Variants in FZD8 observed in about 807,000 individuals in gnomAD.
The protein encoded by FZD8 is frizzled class receptor 8, also known as frizzled-8.
FZD8 carries 18 observed loss-of-function variants against 46.0 expected under a neutral mutation model. The ratio of observed to expected loss-of-function variants is 0.39; its 90% CI spans 0.27 to 0.58. The LOEUF (loss-of-function observed/expected upper bound fraction) is 0.58. Among genes scored for constraint, FZD8 ranks in the 20% least tolerant of loss-of-function variants. FZD8 has a pLI of 0.55. For synonymous variants in FZD8, 586 were observed against 467.9 expected (o/e 1.25, Z -3.26); for missense variants, 785 against 983.4 (o/e 0.80, Z 2.70).
chr10:35,641,117 G>C lies in FZD8; in HGVS notation c.313C>G (p.Pro105Ala), dbSNP rs747648027. The C allele has an allele frequency of 3.7e-6, 6 of 1,612,300 alleles. No individual in the cohort carries two copies. The highest frequency in any genetic ancestry group is 5.1e-6 in the Non-Finnish European group (6 of 1,179,700). Residue 105 changes from proline to alanine, a missense_variant, in exon 1 of 1, where the codon CCG becomes GCG. Physicochemically the swap from Pro to Ala is conservative, Grantham distance 27. Transcript: ENST00000374694. The surrounding 1 kb of genome is among the most constrained non-coding windows in gnomAD (Gnocchi z 6.3). ...ICLEDYKKPL[P>A]PCRSVCERAK... ...CGCTCGCACACCGAGCGGCAGGGCG[G>C]CAGCGGCTTCTTGTAGTCCTCTAGG...
In FZD8 at chr10:35,640,095, C is replaced by G; in HGVS notation, c.1335G>C (p.Ala445=). The G allele has an allele frequency of 6.2e-7, 1 of 1,611,840 alleles. No homozygotes were observed. Among genetic ancestry groups the G allele is most frequent in the South Asian group, 1.1e-5 (1 of 90,908 alleles). The change falls in exon 1 of 1, where the codon GCG becomes GCC. Residue 445 remains alanine (A), a synonymous_variant. Transcript: ENST00000374694. ...TGGACTTGACGCTGGGCACAAGCCA[C>G]GCGGCCAGGTGGAAGTACTGCGAGT... ...AGYSQYFHLA[A]WLVPSVKSIA...
In FZD8 at chr10:35,640,807, G is replaced by C; in HGVS notation, c.623C>G (p.Pro208Arg). The C allele has an allele frequency of 9.9e-7, 1 of 1,007,188 alleles. No individual in the cohort carries two copies. Among genetic ancestry groups the C allele is most frequent in the Non-Finnish European group, 1.2e-6 (1 of 845,686 alleles). The allele number at this position is 1,007,188 out of a possible 1,614,324, so 62.4% of individuals were successfully genotyped here. A position where few individuals can be genotyped will look rare whatever the true frequency, so the allele number is the denominator to read the frequency against. Residue 208 changes from proline to arginine, a missense_variant, in exon 1 of 1, where the codon CCA (proline) becomes CGA (arginine). Transcript: ENST00000374694. ...CCCGCCACCGCCGCCGCCGCGAGCT[G>C]GGGGCGCCGCCGCGTCCCCGCCGCC... ...GGGGGDAAAP[P>R]ARGGGGGGKA...
chr10:35,641,800 C>T lies in FZD8; in HGVS notation c.-371G>A, dbSNP rs1588706995. On this transcript the variant is annotated 5_prime_UTR_variant, in exon 1 of 1. Coordinates refer to ENST00000374694, the MANE Select transcript of FZD8 (RefSeq NM_031866.3). The surrounding 1 kb of genome is among the most constrained non-coding windows in gnomAD (Gnocchi z 6.3). ...GCTCGCTCGCCTCCTCTCCGCGCGC[C>T]CGACCACTTCTCCCCGCCGCGCCGG... 1 of 171,138 alleles carries T rather than the reference C, an allele frequency of 5.8e-6. No individual in the cohort carries two copies. Among genetic ancestry groups the T allele is most frequent in the East Asian group, 1.6e-4 (1 of 6,276 alleles). 10.6% of individuals were successfully genotyped at this position (171,138 alleles called of 1,614,324 possible).
chr10:35,640,995 G>A lies in FZD8; in HGVS notation c.435C>T (p.Asp145=), dbSNP rs1211684026. 5.0e-6 allele frequency: 8 copies of A among 1,604,052 alleles called. No individual in the cohort carries two copies. Among genetic ancestry groups the A allele is most frequent in the East Asian group, 2.2e-5 (1 of 44,462 alleles). ...CDRLPEQGNP[D]TLCMDYNRTD... is the part of the protein sequence containing the mutation. ...TGCGGTTGTAGTCCATGCACAGCGT[G>A]TCAGGGTTGCCTTGCTCGGGCAGCC... Residue 145 remains aspartate (D), a synonymous_variant, in exon 1 of 1, where the codon GAC becomes GAT. Coordinates refer to ENST00000374694, the MANE Select transcript of FZD8 (RefSeq NM_031866.3).
At position 35,641,520 on chromosome 10, in the gene FZD8, C is replaced by G. The variant is rs1835862942; in HGVS notation, c.-91G>C. On this transcript the variant is annotated 5_prime_UTR_variant, in exon 1 of 1. Transcript: ENST00000374694. The surrounding 1 kb of genome is among the most constrained non-coding windows in gnomAD (Gnocchi z 6.3). Reference sequence around the variant, plus strand: ...CCCACGAGAGAGCCGCAGACGGGTACAGCGGGTGATCTGGGGTCTCCCTTA... The same window carrying G: ...CCCACGAGAGAGCCGCAGACGGGTAGAGCGGGTGATCTGGGGTCTCCCTTA... The G allele has an allele frequency of 1.4e-6, 2 of 1,463,540 alleles. No homozygotes were observed. The highest frequency in any genetic ancestry group is 1.8e-6 in the Non-Finnish European group (2 of 1,112,516). The allele number at this position is 1,463,540 out of a possible 1,614,324, so 90.7% of individuals were successfully genotyped here.
chr10:35,639,195 G>A lies in FZD8; in HGVS notation c.*150C>T, dbSNP rs1304910987. 1.6e-5 allele frequency: 4 copies of A among 246,848 alleles called. No homozygotes were observed. Among genetic ancestry groups the A allele is most frequent in the Admixed American group, 5.8e-5 (1 of 17,312 alleles). 15.3% of individuals were successfully genotyped at this position (246,848 alleles called of 1,614,324 possible). A position where few individuals can be genotyped will look rare whatever the true frequency, so the allele number is the denominator to read the frequency against. On this transcript the variant is annotated 3_prime_UTR_variant, in exon 1 of 1. Transcript: ENST00000374694. ...TTCTAAGTGAGTCATTTAAGTCCCA[G>A]CTAATGGATACCATTAAGAGTTCAT...
Position 35,640,275 on chromosome 10 carries a change from G to A in FZD8, c.1155C>T (p.His385=), listed in dbSNP as rs977220514. ...CGGGGCCGGTGGTCTCGTAGCGCACGTGCTGCTCCACCGCGCCCAGCTCCT... is the reference window on the plus strand; with the variant it reads ...CGGGGCCGGTGGTCTCGTAGCGCACATGCTGCTCCACCGCGCCCAGCTCCT... ...EYEELGAVEQ[H]VRYETTGPAL... is the part of the protein sequence containing the mutation. The change falls in exon 1 of 1, where the codon CAC becomes CAT. Residue 385 remains histidine (H), a synonymous_variant. Coordinates refer to ENST00000374694, the MANE Select transcript of FZD8 (RefSeq NM_031866.3). 9 of 1,600,290 alleles carry A rather than the reference G, an allele frequency of 5.6e-6. No individual in the cohort carries two copies. The highest frequency in any genetic ancestry group is 7.6e-6 in the Non-Finnish European group (9 of 1,178,330).
Position 35,640,326 on chromosome 10 carries a change from G to T in FZD8, c.1104C>A (p.Gly368=). Residue 368 remains glycine (G), a synonymous_variant, in exon 1 of 1, where the codon GGC becomes GGA. Transcript: ENST00000374694. The part of the protein sequence containing the change: ...AGAGAAGAGA[G]GPGGRGEYEE... ...CGTACTCGCCGCGCCCGCCCGGGCC[G>T]CCCGCGCCCGCGCCCGCCGCGCCCG... 9.8e-7 allele frequency: 1 copy of T among 1,023,000 alleles called. No homozygotes were observed. The highest frequency in any genetic ancestry group is 1.2e-6 in the Non-Finnish European group (1 of 850,732). The allele number at this position is 1,023,000 out of a possible 1,614,324, so 63.4% of individuals were successfully genotyped here. A position where few individuals can be genotyped will look rare whatever the true frequency, so the allele number is the denominator to read the frequency against.
In FZD8 at chr10:35,639,514, C is replaced by T; in HGVS notation, c.1916G>A (p.Gly639Glu). The change falls in exon 1 of 1, where the codon GGG becomes GAG. Residue 639 changes from glycine (G) to glutamate (E), a missense_variant. Coordinates refer to ENST00000374694, the MANE Select transcript of FZD8 (RefSeq NM_031866.3). ...GCCGCCCCCCGGCCCGCCGCCACCC[C>T]CCGCGGCCGTGGCGCCCGCGCCCCC... ...VGGGAGATAA[G>E]GGGGPGGGGG... The T allele has an allele frequency of 9.0e-7, 1 of 1,106,852 alleles. No individual in the cohort carries two copies. Among genetic ancestry groups the T allele is most frequent in the Non-Finnish European group, 1.1e-6 (1 of 906,392 alleles). 68.6% of individuals were successfully genotyped at this position (1,106,852 alleles called of 1,614,324 possible). A position where few individuals can be genotyped will look rare whatever the true frequency, so the allele number is the denominator to read the frequency against.
In FZD8 at chr10:35,641,421, C is replaced by G. The variant is rs956984979; in HGVS notation, c.9G>C (p.Trp3Cys). 5.6e-6 allele frequency: 9 copies of G among 1,606,042 alleles called. No individual in the cohort carries two copies. The African/African-American group carries it at 1.1e-4, about 19-fold the overall frequency. The change falls in exon 1 of 1, where the codon TGG (tryptophan) becomes TGC (cysteine). Residue 3 changes from tryptophan to cysteine, a missense_variant. Trp to Cys is a radical substitution (Grantham distance 215, BLOSUM62 -2). Coordinates refer to ENST00000374694, the MANE Select transcript of FZD8 (RefSeq NM_031866.3). The surrounding 1 kb of genome is among the most constrained non-coding windows in gnomAD (Gnocchi z 6.3). ME[W>C]GYLLEVTSLL... The stretch of plus-strand genomic sequence containing the variant: ...GCGAGGTCACTTCCAACAGGTAACC[C>G]CACTCCATGCTGTGCGCCTCGGCCC...
At position 35,640,841 on chromosome 10, in the gene FZD8, T is replaced by TGCC. The variant is rs1835848413; in HGVS notation, c.586_588dup (p.Gly196dup). 5.1e-6 allele frequency: 5 copies of TGCC among 974,938 alleles called. No homozygotes were observed. The highest frequency in any genetic ancestry group is 3.6e-5 in the African/African-American group (2 of 55,766). 60.4% of individuals were successfully genotyped at this position (974,938 alleles called of 1,614,324 possible). On this transcript the variant is annotated inframe_insertion, in exon 1 of 1. Transcript: ENST00000374694. ...GCCGCGTCCCCGCCGCCACCGCCCC[T>TGCC]GCCGCCGCCGCGGTGCGGGGGCCTG...
chr10:35,640,877 G>A lies in FZD8; in HGVS notation c.553C>T (p.Pro185Ser). ...QPPSGSGHGR[P>S]PGARPPHRGG... ...CGGTGCGGGGGCCTGGCCCCCGGCG[G>A]GCGGCCGTGGCCGCTGCCCGAAGGC... The change falls in exon 1 of 1, where the codon CCG becomes TCG. Residue 185 changes from proline (P) to serine (S), a missense_variant. Physicochemically the swap from Pro to Ser is moderately conservative, Grantham distance 74 (BLOSUM62 -1). Transcript: ENST00000374694. 2 of 980,116 alleles carry A rather than the reference G, an allele frequency of 2.0e-6. No homozygotes were observed. Among genetic ancestry groups the A allele is most frequent in the Non-Finnish European group, 1.2e-6 (1 of 827,418 alleles). The allele number at this position is 980,116 out of a possible 1,614,324, so 60.7% of individuals were successfully genotyped here.
Position 35,640,047 on chromosome 10 carries a change from C to G in FZD8, c.1383G>C (p.Ser461=). The G allele has an allele frequency of 3.7e-6, 6 of 1,609,902 alleles. No homozygotes were observed. Among genetic ancestry groups the G allele is most frequent in the South Asian group, 1.1e-5 (1 of 90,904 alleles). Reference sequence around the variant, plus strand: ...TGCCCGCCACCGGGTCGCCGTCCACCGAGCTGAGCGCCAGCACCGCGATGG... The same window carrying G: ...TGCCCGCCACCGGGTCGCCGTCCACGGAGCTGAGCGCCAGCACCGCGATGG... ...VKSIAVLALS[S]VDGDPVAGIC... is the part of the protein sequence containing the mutation. The change falls in exon 1 of 1, where the codon TCG becomes TCC. Residue 461 remains serine, a synonymous_variant. Transcript: ENST00000374694.
chr10:35,640,422 C>G lies in FZD8; in HGVS notation c.1008G>C (p.Glu336Asp). ...GCGCGCCACCGCTGCACGCCACCTT[C>G]TCGTGGCCCGCCACCAGGCGCACTA... ...GYLVRLVAGHEKVACSGGAPG... is the reference protein window; with the variant it reads ...GYLVRLVAGHDKVACSGGAPG... The change falls in exon 1 of 1, where the codon GAG becomes GAC. Residue 336 changes from glutamate to aspartate, a missense_variant. Around this residue, in one of 5 missense-constraint regions of FZD8, gnomAD observed 88 missense variants for 83.6 expected, o/e 1.05. Coordinates refer to ENST00000374694, the MANE Select transcript of FZD8 (RefSeq NM_031866.3). 1 of 1,433,858 alleles carries G rather than the reference C, an allele frequency of 7.0e-7. No homozygotes were observed. Among genetic ancestry groups the G allele is most frequent in the South Asian group, 1.4e-5 (1 of 71,346 alleles). 88.8% of individuals were successfully genotyped at this position (1,433,858 alleles called of 1,614,324 possible).
Position 35,641,127 on chromosome 10 carries a change from C to A in FZD8, c.303G>T (p.Lys101Asn). The A allele has an allele frequency of 6.2e-7, 1 of 1,612,970 alleles. No homozygotes were observed. The highest frequency in any genetic ancestry group is 1.7e-5 in the Admixed American group (1 of 60,024). ...MYTPICLEDY[K>N]KPLPPCRSVC... Reference sequence around the variant, plus strand: ...CCGAGCGGCAGGGCGGCAGCGGCTTCTTGTAGTCCTCTAGGCAGATGGGCG... The same window carrying A: ...CCGAGCGGCAGGGCGGCAGCGGCTTATTGTAGTCCTCTAGGCAGATGGGCG... The change falls in exon 1 of 1, where the codon AAG (lysine) becomes AAT (asparagine). Residue 101 changes from lysine to asparagine, a missense_variant. By Grantham distance (94) the Lys-to-Asn change is moderately conservative. Transcript: ENST00000374694. The surrounding 1 kb of genome is among the most constrained non-coding windows in gnomAD (Gnocchi z 6.3).
In FZD8 at chr10:35,640,360, GCCGCGCCGC is replaced by G. The variant is rs1334913658; in HGVS notation, c.1061_1069del (p.Gly354_Ala356del). 9.3e-6 allele frequency: 9 copies of G among 964,062 alleles called. No individual in the cohort carries two copies. Among genetic ancestry groups the G allele is most frequent in the Non-Finnish European group, 9.8e-6 (8 of 813,800 alleles). 59.7% of individuals were successfully genotyped at this position (964,062 alleles called of 1,614,324 possible). On this transcript the variant is annotated inframe_deletion, in exon 1 of 1. Coordinates refer to ENST00000374694, the MANE Select transcript of FZD8 (RefSeq NM_031866.3). ...CGCGCCCGCCGCGCCCGCGCCCGCC[GCCGCGCCGC>G]CCGCGCCCCCAGCGCCCCCCGCGCC...
rs1443402497 is a variant in FZD8, at chr10:35,640,037, C to T, written c.1393G>A (p.Asp465Asn). ...AVLALSSVDG[D>N]PVAGICYVGN... ...ACGTAGCAGATGCCCGCCACCGGGT[C>T]GCCGTCCACCGAGCTGAGCGCCAGC... The change falls in exon 1 of 1, where the codon GAC becomes AAC. Residue 465 changes from aspartate (D) to asparagine (N), a missense_variant. By Grantham distance (23) the Asp-to-Asn change is conservative. This residue lies in a region of FZD8 where 147 missense variants were observed against 242.5 expected (regional missense o/e 0.61). Coordinates refer to ENST00000374694, the MANE Select transcript of FZD8 (RefSeq NM_031866.3). 6.2e-7 allele frequency: 1 copy of T among 1,609,708 alleles called. No individual in the cohort carries two copies. Among genetic ancestry groups the T allele is most frequent in the Non-Finnish European group, 8.5e-7 (1 of 1,179,494 alleles).
In FZD8 at chr10:35,639,464, C is replaced by A; in HGVS notation, c.1966G>T (p.Gly656Trp). 1 of 1,028,354 alleles carries A rather than the reference C, an allele frequency of 9.7e-7. No individual in the cohort carries two copies. Among genetic ancestry groups the A allele is most frequent in the South Asian group, 3.7e-5 (1 of 27,258 alleles). 63.7% of individuals were successfully genotyped at this position (1,028,354 alleles called of 1,614,324 possible). A position where few individuals can be genotyped will look rare whatever the true frequency, so the allele number is the denominator to read the frequency against. The change falls in exon 1 of 1, where the codon GGG becomes TGG. Residue 656 changes from glycine to tryptophan, a missense_variant. Around this residue, in one of 5 missense-constraint regions of FZD8, gnomAD observed 185 missense variants for 180.8 expected, o/e 1.02. Coordinates refer to ENST00000374694, the MANE Select transcript of FZD8 (RefSeq NM_031866.3). ...GGGGGGPGGG[G>W]GPGGGGGSLY... Reference sequence around the variant, plus strand: ...GAGCCCCCGCCGCCGCCCGGCCCCCCGCCGCCGCCGGGTCCCCCGCCGCCG... The same window carrying A: ...GAGCCCCCGCCGCCGCCCGGCCCCCAGCCGCCGCCGGGTCCCCCGCCGCCG...
Position 35,641,598 on chromosome 10 carries a change from G to A in FZD8, c.-169C>T. The A allele has an allele frequency of 2.3e-6, 2 of 872,520 alleles. No individual in the cohort carries two copies. Among genetic ancestry groups the A allele is most frequent in the Non-Finnish European group, 3.4e-6 (2 of 593,694 alleles). The allele number at this position is 872,520 out of a possible 1,614,324, so 54.0% of individuals were successfully genotyped here. A position where few individuals can be genotyped will look rare whatever the true frequency, so the allele number is the denominator to read the frequency against. On this transcript the variant is annotated 5_prime_UTR_variant, in exon 1 of 1. In the 5' UTR this introduces an upstream ATG that the reference lacks. Transcript: ENST00000374694. This position sits in a 1 kb window ranked among gnomAD's most constrained non-coding sequence, Gnocchi z 6.3. Reference sequence around the variant, plus strand: ...ATAATCTAACCCCTTCTAGGGGCGCGTCCGCAGCGGCGCGGCCCGCAGCCT... The same window carrying A: ...ATAATCTAACCCCTTCTAGGGGCGCATCCGCAGCGGCGCGGCCCGCAGCCT...
Sources: gnomAD v4.1 joint callset for allele counts on GRCh38, gnomAD v4.1.1 for gene constraint, gnomAD v4.1.1 regional missense constraint, Gnocchi (gnomAD v3.1) non-coding constraint, MANE v1.5 for transcripts, NCBI Gene and HGNC (gene_info 2026-07-23, HGNC 2026-07-21) for gene names.